The following SNX11 variants were observed in gnomAD, a reference collection of about 807,000 sequenced individuals.
SNX11 encodes sorting nexin 11, also known as sorting nexin-11.
SNX11 carries 19 observed loss-of-function variants against 30.7 expected under a neutral mutation model. The observed-to-expected ratio is 0.62, with a 90% CI of 0.43 to 0.91. SNX11 has a LOEUF of 0.91. Ranked by LOEUF, SNX11 falls within the 40% of genes least tolerant of loss-of-function variation. The pLI, the probability that SNX11 is intolerant of heterozygous loss-of-function variation, is 0.00. For synonymous variants in SNX11, 112 were observed against 119.0 expected (o/e 0.94, Z 0.38); for missense variants, 302 against 326.7 (o/e 0.92, Z 0.58).
At chr17:48,119,711 C>T (rs1268340854) in intron 6 of SNX11, among the ~76,000 whole-genome samples, 1 of 138,360 alleles carries the variant, frequency 7.2e-6, no homozygotes, top group African/African-American at 2.6e-5. Context: ...CTCTGCCTCC[C>T]AAAGTGCTAG....
chr17:48,113,478 G>A, intron 4 of SNX11, 77 bp downstream of exon 4: 1 of 960,376 alleles, frequency 1.0e-6, no homozygotes, highest in Non-Finnish European at 1.7e-6. Flanking sequence ...AGTTGACAAT[G>A]AAGAGAACTT....
chr17:48,113,385 A>G lies in SNX11; in HGVS notation c.214A>G (p.Arg72Gly). 6.2e-7 allele frequency: 1 copy of G among 1,613,490 alleles called. No individual in the cohort carries two copies. Among genetic ancestry groups the G allele is most frequent in the Non-Finnish European group, 8.5e-7 (1 of 1,179,562 alleles). Reference protein sequence around the residue: ...EFVWLRKQLQRNAGLVPVPEL... With the variant: ...EFVWLRKQLQGNAGLVPVPEL... ...CGTGTGGCTGAGAAAGCAGCTACAG[A>G]GAAATGCTGGTTTGGTGTGAGTTTG... The change falls in exon 4 of 7, where the codon AGA (arginine) becomes GGA (glycine). Residue 72 changes from arginine to glycine, a missense_variant. Coordinates refer to ENST00000359238, the MANE Select transcript of SNX11 (RefSeq NM_013323.3).
intron 3 of SNX11, 119 bp from the exon 4 acceptor site, chr17:48,113,181 CT>C (rs1381556498): frequency 1.3e-6 from 1 of 756,958 alleles, no homozygotes; most frequent in Non-Finnish European, 2.2e-6. Flanking sequence ...AGTTGGGGAC[CT>C]GATCAGGTCT....
chr17:48,109,372 G>A (rs527403540), intron 1 of SNX11, among the ~76,000 whole-genome samples: 3 of 149,284 alleles, frequency 2.0e-5, no homozygotes, highest in African/African-American at 7.4e-5. Flanking sequence ...TGATTCTCCT[G>A]CCTCAGTCTC....
intron 4 of SNX11, among the ~76,000 whole-genome samples, chr17:48,117,140 C>T (rs192422886): frequency 1.4e-4 from 22 of 152,042 alleles, no homozygotes; most frequent in Admixed American, 9.2e-4. Context: ...CCACAACCTC[C>T]GCCTCCCAGG....
chr17:48,121,276 C>T lies in SNX11; in HGVS notation c.581C>T (p.Ser194Leu). 1 of 1,614,198 alleles carries T rather than the reference C, an allele frequency of 6.2e-7. No individual in the cohort carries two copies. The change falls in exon 7 of 7, where the codon TCA becomes TTA. Residue 194 changes from serine (S) to leucine (L), a missense_variant. Transcript: ENST00000359238. ...AGATCGGGTAGGAGGAGCTCTCCCT[C>T]ACCGCCTCCCAGTGAAGAAAAGGAC... ...LPRSGRRSSPSPPPSEEKDHL... is the reference protein window; with the variant it reads ...LPRSGRRSSPLPPPSEEKDHL...
rs538948357 is a variant in SNX11, at chr17:48,111,186, A to C, written c.-13-845A>C. The C allele has an allele frequency of 3.4e-5, 32 of 945,286 alleles. 1 individual carries two copies. The East Asian group carries it at 3.7e-3, about 110-fold the overall frequency. The allele number at this position is 945,286 out of a possible 1,614,324, so 58.6% of individuals were successfully genotyped here. ...TGGATTGGATAAGGGGAAGGTCCCA[A>C]CTGGGCAACCCACTCAGGTGCTCCT... On this transcript the variant is annotated intron_variant, in intron 1 of 6. Transcript: ENST00000359238.
intron 4 of SNX11, 52 bp downstream of exon 4, chr17:48,113,453 T>C (rs767430635): frequency 6.1e-6 from 8 of 1,321,826 alleles, no homozygotes; most frequent in Non-Finnish European, 7.7e-6. Context: ...TTTTGGGTGC[T>C]TATGTAGGAA....
chr17:48,115,781 G>A (rs1027204956), intron 4 of SNX11, among the ~76,000 whole-genome samples: 26 of 152,150 alleles, frequency 1.7e-4, no homozygotes, highest in African/African-American at 5.8e-4. Context: ...GTGGTGATAG[G>A]TGGCCTGTTG....
intron 6 of SNX11, 30 bp from the exon 7 acceptor site, chr17:48,121,205 C>T (rs1039400799): frequency 6.2e-7 from 1 of 1,612,308 alleles, no homozygotes; most frequent in Admixed American, 1.7e-5. Flanking sequence ...CTGTTCATAC[C>T]TTTCTTTTCC....
intron 4 of SNX11, among the ~76,000 whole-genome samples, chr17:48,114,757 C>T (rs927477814): frequency 6.6e-6 from 1 of 150,446 alleles, no homozygotes; most frequent in East Asian, 1.9e-4. Context: ...CCTCCACCTC[C>T]CAGGCTCAAG....
At chr17:48,112,731 C>CTTTT in intron 3 of SNX11, 71 bp downstream of exon 3, 7 of 589,318 alleles carry the variant, frequency 1.2e-5, no homozygotes, top group South Asian at 7.6e-5. Flanking sequence ...GAGGTGTAAC[C>CTTTT]TTTTTTTTTT....
chr17:48,109,836 C>G (rs2063473625), intron 1 of SNX11, among the ~76,000 whole-genome samples: 1 of 152,082 alleles, frequency 6.6e-6, no homozygotes, highest in Non-Finnish European at 1.5e-5. Context: ...CTATTTGTTT[C>G]TGAGTGGTAT....
At chr17:48,112,767 G>A (rs779531089) in intron 3 of SNX11, 107 bp downstream of exon 3, 4 of 590,422 alleles carry the variant, frequency 6.8e-6, no homozygotes, top group Non-Finnish European at 1.1e-5. Flanking sequence ...TTTTGCTCTT[G>A]TTGCCCAGGC....
rs553218152 is a variant in SNX11 at position 48,121,603 on chromosome 17, G to A, written c.*95G>A. Reference sequence around the variant, plus strand: ...ACAGGGCAGGTATGTGGGAGGCTGGGCTGCTTAGTGTCTTCTAGTCACCTC... The same window carrying A: ...ACAGGGCAGGTATGTGGGAGGCTGGACTGCTTAGTGTCTTCTAGTCACCTC... On this transcript the variant is annotated 3_prime_UTR_variant, in exon 7 of 7. Transcript: ENST00000359238. The A allele has an allele frequency of 7.4e-7, 1 of 1,347,234 alleles. No individual in the cohort carries two copies. The highest frequency in any genetic ancestry group is 1.3e-5 in the South Asian group (1 of 74,762). 83.5% of individuals were successfully genotyped at this position (1,347,234 alleles called of 1,614,324 possible).
Position 48,122,582 on chromosome 17 carries a change from G to A in SNX11, c.*1074G>A, listed in dbSNP as rs957749392. ...GCATTCTGCATTGCTCTACTCTTAG[G>A]TTTGTGTGTGTGATCCTTCCCCTCC... On this transcript the variant is annotated 3_prime_UTR_variant, in exon 7 of 7. Coordinates refer to ENST00000359238, the MANE Select transcript of SNX11 (RefSeq NM_013323.3). 1 of 152,254 alleles carries A rather than the reference G, an allele frequency of 6.6e-6. No homozygotes were observed. Among genetic ancestry groups the A allele is most frequent in the Non-Finnish European group, 1.5e-5 (1 of 68,116 alleles). 9.4% of individuals were successfully genotyped at this position (152,254 alleles called of 1,614,324 possible).
chr17:48,117,559 T>C (rs1387217238), intron 4 of SNX11, among the ~76,000 whole-genome samples: 2 of 147,904 alleles, frequency 1.4e-5, no homozygotes, highest in Admixed American at 1.4e-4. Context: ...GCCTGGCTGT[T>C]TTTTTTTTTT....
chr17:48,119,087 T>C lies in SNX11; in HGVS notation c.440T>C (p.Val147Ala), dbSNP rs2063574187. The change falls in exon 6 of 7, where the codon GTG (valine) becomes GCG (alanine). Residue 147 changes from valine (V) to alanine (A), a missense_variant. Physicochemically the swap from Val to Ala is moderately conservative, Grantham distance 64. Coordinates refer to ENST00000359238, the MANE Select transcript of SNX11 (RefSeq NM_013323.3). ...GTCCAGGGCCGAAGTACCATGACTG[T>C]GTCTGATGCCATTCTTCGATATGCT... ...ACVQGRSTMTVSDAILRYAMS... is the reference protein window; with the variant it reads ...ACVQGRSTMTASDAILRYAMS... The C allele has an allele frequency of 6.2e-7, 1 of 1,614,008 alleles. No homozygotes were observed. The highest frequency in any genetic ancestry group is 1.7e-5 in the Admixed American group (1 of 59,998).
intron 6 of SNX11, among the ~76,000 whole-genome samples, chr17:48,120,274 T>A (rs968101665): frequency 1.1e-4 from 16 of 140,114 alleles, no homozygotes; most frequent in Non-Finnish European, 2.4e-4. Context: ...TGGCATGATC[T>A]CGGCTCACTG....
Sources: allele counts gnomAD v4.1 joint callset (sites outside exome capture counted in the v4.1 genomes callset), GRCh38; gene constraint gnomAD v4.1.1; transcripts MANE v1.5; gene names NCBI Gene and HGNC (gene_info 2026-07-23, HGNC 2026-07-21).